Variants in DOK6 observed in about 807,000 individuals in gnomAD.
DOK6 encodes docking protein 6, also known as downstream of tyrosine kinase 6.
DOK6 carries 22 observed loss-of-function variants against 44.0 expected under a neutral mutation model. That is an observed-to-expected ratio of 0.50 (90% CI 0.36 to 0.71). The LOEUF (loss-of-function observed/expected upper bound fraction) is 0.71, where lower values mean the gene tolerates loss of function less well. Ranked by LOEUF, DOK6 falls within the 30% of genes least tolerant of loss-of-function variation. The pLI is 0.00. For missense variants in DOK6, 340 were observed against 416.4 expected (o/e 0.82, Z 1.60); for synonymous variants, 166 against 145.5 (o/e 1.14, Z -1.01).
At chr18:69,751,937 A>G (rs1417545511) in intron 6 of DOK6, among the ~76,000 whole-genome samples, 3 of 152,224 alleles carry the variant, frequency 2.0e-5, no homozygotes, top group African/African-American at 7.2e-5. Context: ...ACAATTTACA[A>G]TTATATAATT....
chr18:69,780,015 A>G (rs1210774454), intron 7 of DOK6, among the ~76,000 whole-genome samples: 1 of 152,184 alleles, frequency 6.6e-6, no homozygotes, highest in Non-Finnish European at 1.5e-5. Flanking sequence ...ACAAATAACT[A>G]TAATTATATA....
chr18:69,593,638 C>T (rs1983672546), intron 2 of DOK6, among the ~76,000 whole-genome samples: 1 of 152,154 alleles, frequency 6.6e-6, no homozygotes, highest in African/African-American at 2.4e-5. Context: ...TCCTAAGGCT[C>T]TGAAATTAGA....
intron 7 of DOK6, among the ~76,000 whole-genome samples, chr18:69,836,722 G>T (rs1013721732): frequency 1.3e-5 from 2 of 152,152 alleles, no homozygotes; most frequent in African/African-American, 4.8e-5. Flanking sequence ...AGTTTAGGAA[G>T]CATTTAACTA....
At position 69,728,398 on chromosome 18, in the gene DOK6, C is replaced by T. The variant is rs182598813; in HGVS notation, c.600-10567C>T. 2.0e-5 allele frequency among the ~76,000 whole-genome samples: 3 copies of T among 152,314 alleles called. No homozygotes were observed. The East Asian group carries it at 5.8e-4, about 29-fold the overall frequency. The stretch of plus-strand genomic sequence containing the variant: ...AAATCATGTTCTAATCTCCCTCTAG[C>T]TCTGATTTATAGCAAAGCTGACTTA... On this transcript the variant is annotated intron_variant, in intron 5 of 7. Coordinates refer to ENST00000382713, the MANE Select transcript of DOK6 (RefSeq NM_152721.6).
intron 1 of DOK6, among the ~76,000 whole-genome samples, chr18:69,548,166 G>T (rs1982459850): frequency 6.6e-6 from 1 of 150,658 alleles, no homozygotes; most frequent in Non-Finnish European, 1.5e-5. Context: ...TGTTAGCCAG[G>T]ATGGTCTCGA....
intron 6 of DOK6, among the ~76,000 whole-genome samples, chr18:69,756,192 G>A (rs752338606): frequency 6.6e-6 from 1 of 152,126 alleles, no homozygotes; most frequent in Non-Finnish European, 1.5e-5. Context: ...TATCTGCCTA[G>A]CCATTTCACC....
chr18:69,421,145 A>G (rs986186788), intron 1 of DOK6, among the ~76,000 whole-genome samples: 2 of 152,184 alleles, frequency 1.3e-5, no homozygotes, highest in African/African-American at 4.8e-5. Context: ...TTACAAAAAC[A>G]TTCTATATGC....
chr18:69,656,298 A>G (rs562661574), intron 3 of DOK6, among the ~76,000 whole-genome samples: 3 of 152,368 alleles, frequency 2.0e-5, no homozygotes, highest in African/African-American at 7.2e-5. Flanking sequence ...AAATTGATTA[A>G]CCTAGATCTT....
intron 7 of DOK6, among the ~76,000 whole-genome samples, chr18:69,829,347 C>G (rs926360310): frequency 1.3e-5 from 2 of 151,830 alleles, no homozygotes; most frequent in African/African-American, 4.8e-5. Flanking sequence ...AAAACTAACA[C>G]TATTGTTATC....
chr18:69,541,098 G>A (rs567822309), intron 1 of DOK6, among the ~76,000 whole-genome samples: 4 of 152,138 alleles, frequency 2.6e-5, no homozygotes, highest in African/African-American at 4.8e-5. Flanking sequence ...TTACTAGTAT[G>A]TTTAATTGTT....
At chr18:69,734,264 T>A (rs765143955) in intron 5 of DOK6, among the ~76,000 whole-genome samples, 16 of 151,832 alleles carry the variant, frequency 1.1e-4, no homozygotes, top group Non-Finnish European at 2.1e-4. Context: ...CTGGGTCTAT[T>A]TCTTGACTTT....
chr18:69,611,322 A>G (rs1259678366), intron 3 of DOK6, among the ~76,000 whole-genome samples: 2 of 152,218 alleles, frequency 1.3e-5, no homozygotes, highest in Non-Finnish European at 2.9e-5. Flanking sequence ...GCTCGTGAGG[A>G]TGCAGAAGAA....
intron 3 of DOK6, among the ~76,000 whole-genome samples, chr18:69,668,157 C>T (rs887179379): frequency 6.6e-6 from 1 of 151,976 alleles, no homozygotes; most frequent in Non-Finnish European, 1.5e-5. Flanking sequence ...TGAATATATC[C>T]TAAATGTGAA....
intron 1 of DOK6, among the ~76,000 whole-genome samples, chr18:69,542,244 T>G (rs1365800607): frequency 6.6e-6 from 1 of 151,274 alleles, no homozygotes; most frequent in Non-Finnish European, 1.5e-5. Flanking sequence ...AATTTAGTAT[T>G]ATGCCAAACT....
chr18:69,441,015 A>G (rs1237058410), intron 1 of DOK6, among the ~76,000 whole-genome samples: 2 of 152,192 alleles, frequency 1.3e-5, no homozygotes, highest in African/African-American at 2.4e-5. Context: ...GTTTGAAATT[A>G]CAAAGGCAGA....
chr18:69,690,735 G>A (rs1419548489), intron 4 of DOK6, among the ~76,000 whole-genome samples: 2 of 152,240 alleles, frequency 1.3e-5, no homozygotes, highest in East Asian at 3.9e-4. Flanking sequence ...CCAAGCATTA[G>A]TCCAGTTTTT....
At chr18:69,615,677 C>T (rs1381368594) in intron 3 of DOK6, among the ~76,000 whole-genome samples, 1 of 152,182 alleles carries the variant, frequency 6.6e-6, no homozygotes, top group Non-Finnish European at 1.5e-5. Context: ...CCTTAAGCTG[C>T]ACACACCTCC....
At chr18:69,447,340 G>A (rs1456133725) in intron 1 of DOK6, among the ~76,000 whole-genome samples, 1 of 151,952 alleles carries the variant, frequency 6.6e-6, no homozygotes. Flanking sequence ...TTTTTTGTCA[G>A]GTTTGTCAAA....
chr18:69,464,520 CAATGGTAT>C (rs1472329256), intron 1 of DOK6, among the ~76,000 whole-genome samples: 1 of 152,174 alleles, frequency 6.6e-6, no homozygotes, highest in African/African-American at 2.4e-5. Context: ...AGCTAATACA[CAATGGTAT>C]TTTTATTTCA....
Sources: allele counts gnomAD v4.1 joint callset (sites outside exome capture counted in the v4.1 genomes callset), GRCh38; gene constraint gnomAD v4.1.1; transcripts MANE v1.5; gene names NCBI Gene and HGNC (gene_info 2026-07-23, HGNC 2026-07-21).